HDAC9: variants seen among roughly 807,000 people sequenced by gnomAD.
The protein encoded by HDAC9 is histone deacetylase 9.
HDAC9 carries 41 observed loss-of-function variants against 139.4 expected under a neutral mutation model. That is an observed-to-expected ratio of 0.29 (90% CI 0.23 to 0.38). The LOEUF is 0.38. Ranked by LOEUF, HDAC9 falls within the 10% of genes least tolerant of loss-of-function variation. The pLI is 1.00. For synonymous variants in HDAC9, 517 were observed against 476.2 expected (o/e 1.09, Z -1.12); for missense variants, 1,147 against 1,297.0 (o/e 0.88, Z 1.78).
intron 7 of HDAC9, among the ~76,000 whole-genome samples, chr7:18,630,820 G>A (rs527501475): frequency 6.6e-6 from 1 of 151,914 alleles, no homozygotes; most frequent in African/African-American, 2.4e-5. Context: ...CTTTGATGGG[G>A]GTGGGCAGTT....
chr7:18,955,958 A>C (rs533839472), intron 24 of HDAC9, among the ~76,000 whole-genome samples: 1 of 152,244 alleles, frequency 6.6e-6, no homozygotes, highest in Non-Finnish European at 1.5e-5. Context: ...TAGAAACTCT[A>C]CTGTTGCCTT....
chr7:18,606,373 AG>A (rs1276878258), intron 6 of HDAC9, among the ~76,000 whole-genome samples: 1 of 152,168 alleles, frequency 6.6e-6, no homozygotes, highest in Non-Finnish European at 1.5e-5. Context: ...TCATTTTTTG[AG>A]GTGACAAATT....
intron 2 of HDAC9, chr7:18,509,340 G>C: frequency 3.0e-6 from 3 of 985,442 alleles, no homozygotes; most frequent in Non-Finnish European, 3.6e-6. Context: ...GGGAGAACCA[G>C]GGGAAGACTG....
chr7:18,140,602 G>A (rs541635740), intron 1 of HDAC9, among the ~76,000 whole-genome samples: 2 of 152,202 alleles, frequency 1.3e-5, no homozygotes, highest in African/African-American at 4.8e-5. Context: ...CTTTTTAGCT[G>A]TGCAGTTACT....
rs114187377 is a variant in HDAC9, at chr7:18,895,512, C to T, written c.2803+20916C>T. Among the ~76,000 whole-genome samples the T allele has an allele frequency of 6.1e-3, 923 of 151,980 alleles. 14 individuals carry two copies. The highest frequency in any genetic ancestry group is 0.021 in the African/African-American group (855 of 41,430). On this transcript the variant is annotated intron_variant, in intron 22 of 25. Transcript: ENST00000686413. ...TTCTGATTTTTGTTAATCAAAAGGA[C>T]GAGAGCATGATTACAAAAGTGAGTC...
intron 13 of HDAC9, among the ~76,000 whole-genome samples, chr7:18,737,705 C>T (rs926495258): frequency 6.6e-5 from 10 of 152,046 alleles, no homozygotes; most frequent in Admixed American, 1.3e-4. Flanking sequence ...AGAATAAGTG[C>T]GATGTGGTGC....
chr7:18,883,607 T>G (rs117404826), intron 22 of HDAC9, among the ~76,000 whole-genome samples: 1 of 152,112 alleles, frequency 6.6e-6, no homozygotes, highest in East Asian at 1.9e-4. Context: ...AAATAAAAGT[T>G]TTTTTCCTAA....
intron 17 of HDAC9, among the ~76,000 whole-genome samples, chr7:18,827,427 A>G (rs146651151): frequency 0.015 from 2,217 of 152,204 alleles, 31 homozygotes; most frequent in Middle Eastern, 0.024. Flanking sequence ...GAGATGAATT[A>G]TTTTCTAGAA....
intron 19 of HDAC9, among the ~76,000 whole-genome samples, chr7:18,835,062 C>T (rs1434329384): frequency 6.6e-6 from 1 of 152,096 alleles, no homozygotes; most frequent in East Asian, 1.9e-4. Context: ...GAACTGTTGG[C>T]AGTTAATAAG....
At chr7:18,295,895 A>G (rs1236996769) in intron 1 of HDAC9, among the ~76,000 whole-genome samples, 1 of 152,142 alleles carries the variant, frequency 6.6e-6, no homozygotes, top group East Asian at 1.9e-4. Flanking sequence ...ACCCCCCACA[A>G]CAAAGAATTA....
intron 1 of HDAC9, among the ~76,000 whole-genome samples, chr7:18,363,421 T>G (rs894969747): frequency 6.6e-6 from 1 of 152,192 alleles, no homozygotes; most frequent in Non-Finnish European, 1.5e-5. Context: ...TGCCCATTTT[T>G]GTAGAATTTG....
At chr7:18,659,867 G>A (rs777963175) in intron 11 of HDAC9, among the ~76,000 whole-genome samples, 3 of 152,078 alleles carry the variant, frequency 2.0e-5, no homozygotes, top group African/African-American at 7.2e-5. Context: ...GCAACAGCTC[G>A]ACTTTGCTAG....
chr7:18,169,684 C>T (rs1424277298), intron 2 of HDAC9, among the ~76,000 whole-genome samples: 1 of 152,030 alleles, frequency 6.6e-6, no homozygotes, highest in Non-Finnish European at 1.5e-5. Flanking sequence ...TTGTTCAGTT[C>T]CCACCTATGA....
At chr7:18,272,914 CTA>C (rs1796447613) in intron 2 of HDAC9, among the ~76,000 whole-genome samples, 4 of 2,202 alleles carry the variant, frequency 1.8e-3, no homozygotes, top group Non-Finnish European at 4.5e-3. Flanking sequence ...TAGACTACTG[CTA>C]CTACTACTAC....
chr7:18,807,172 G>C (rs1196633807), intron 17 of HDAC9, among the ~76,000 whole-genome samples: 1 of 152,082 alleles, frequency 6.6e-6, no homozygotes, highest in Non-Finnish European at 1.5e-5. Context: ...TGAAGACTCT[G>C]TTTCTCAGCA....
chr7:18,974,364 A>T (rs937877612), intron 24 of HDAC9, among the ~76,000 whole-genome samples: 2 of 152,166 alleles, frequency 1.3e-5, no homozygotes, highest in African/African-American at 4.8e-5. Context: ...TGTTCTACTT[A>T]TTCCCGTTCA....
At chr7:18,572,035 G>T (rs1407377325) in intron 2 of HDAC9, among the ~76,000 whole-genome samples, 1 of 151,492 alleles carries the variant, frequency 6.6e-6, no homozygotes, top group Admixed American at 6.6e-5. Flanking sequence ...ATTCCTGATA[G>T]AAGAGTGGGA....
chr7:18,793,055 A>C (rs1792468818), intron 16 of HDAC9: 2 of 363,942 alleles, frequency 5.5e-6, no homozygotes, highest in African/African-American at 2.1e-5. Context: ...GTAATGAGAA[A>C]TCTAAACAGG....
intron 1 of HDAC9, among the ~76,000 whole-genome samples, chr7:18,458,578 C>T (rs1473777633): frequency 1.3e-5 from 2 of 152,164 alleles, no homozygotes. Flanking sequence ...AAGTTCATAG[C>T]CAATGCTACT....
Sources: gnomAD v4.1 joint callset for allele counts (sites outside exome capture counted in the v4.1 genomes callset) on GRCh38, gnomAD v4.1.1 for gene constraint, MANE v1.5 for transcripts, NCBI Gene and HGNC (gene_info 2026-07-23, HGNC 2026-07-21) for gene names.